RHOU: variants seen among roughly 807,000 people sequenced by gnomAD.
RHOU encodes the protein ras homolog family member U.
Under a neutral mutation model 12.6 loss-of-function variants are expected in RHOU, and 8 were observed. The observed-to-expected ratio is 0.64, with a 90% confidence interval of 0.37 to 1.15. RHOU has a LOEUF of 1.15. Among genes scored for constraint, RHOU ranks in the 50% most tolerant of loss-of-function variants. The pLI is 0.01. For missense variants in RHOU, 258 were observed against 347.0 expected (o/e 0.74, Z 2.04); for synonymous variants, 161 against 147.4 (o/e 1.09, Z -0.67).
chr1:228,651,922 G>GT, the RHOU span, among the ~76,000 whole-genome samples: 3 of 152,188 alleles, frequency 2.0e-5, no homozygotes, highest in Non-Finnish European at 4.4e-5. Flanking sequence ...ACCCTGAAAT[G>GT]TTTTTTACAT....
chr1:228,646,678 A>G, the RHOU span, among the ~76,000 whole-genome samples: 206 of 148,894 alleles, frequency 1.4e-3, no homozygotes, highest in African/African-American at 5.0e-3. Flanking sequence ...ATCTCGGGTG[A>G]GAGGGCCTGA....
At chr1:228,692,971 G>A in the RHOU span, among the ~76,000 whole-genome samples, 4,224 of 151,930 alleles carry the variant, frequency 0.028, 193 homozygotes, top group African/African-American at 0.096. Flanking sequence ...TGCTTTGCAG[G>A]GACACCCACC....
upstream of RHOU, among the ~76,000 whole-genome samples, chr1:228,732,819 C>T (rs1206894942): frequency 6.6e-6 from 1 of 151,306 alleles, no homozygotes; most frequent in Admixed American, 6.6e-5. Context: ...TGTGAGACTT[C>T]ATTAAGAAAA....
chr1:228,738,167 AG>A lies in RHOU; in HGVS notation c.321+437del, dbSNP rs1662652024. Among the ~76,000 whole-genome samples, 1 of 152,256 alleles carries A rather than the reference AG, an allele frequency of 6.6e-6. No individual in the cohort carries two copies. The highest frequency in any genetic ancestry group is 2.4e-5 in the African/African-American group (1 of 41,464). On this transcript the variant is annotated intron_variant, in intron 2 of 2. Coordinates refer to ENST00000366691, the MANE Select transcript of RHOU (RefSeq NM_021205.6). This position sits in a 1 kb window ranked among gnomAD's most constrained non-coding sequence, Gnocchi z 4.2. ...TCAAGAAAAAGATGGAATTTACATC[AG>A]TAAGGGTTAATATTTCCCTTCCTGA... is the stretch of plus-strand genomic sequence containing the variant.
chr1:228,689,437 G>A, the RHOU span, among the ~76,000 whole-genome samples: 1 of 152,122 alleles, frequency 6.6e-6, no homozygotes, highest in Non-Finnish European at 1.5e-5. Context: ...GAATCTGCCT[G>A]TTGATCCCTA....
rs940869290 is a variant in RHOU at position 228,746,121 on chromosome 1, T to C, written c.*2381T>C. On this transcript the variant is annotated 3_prime_UTR_variant, in exon 3 of 3. Coordinates refer to ENST00000366691, the MANE Select transcript of RHOU (RefSeq NM_021205.6). ...GGTTGACCTTTAAATGCAACAGTTT[T>C]TAAAATATATTGCTGCATTTTATAG... 6 of 152,236 alleles carry C rather than the reference T, an allele frequency of 3.9e-5. No individual in the cohort carries two copies. The highest frequency in any genetic ancestry group is 7.2e-5 in the African/African-American group (3 of 41,464). 9.4% of individuals were successfully genotyped at this position (152,236 alleles called of 1,614,324 possible).
the RHOU span, among the ~76,000 whole-genome samples, chr1:228,675,812 A>C: frequency 6.6e-6 from 1 of 152,238 alleles, no homozygotes; most frequent in Non-Finnish European, 1.5e-5. Flanking sequence ...CCTAAAAAGA[A>C]GAAGCAGAGG....
chr1:228,737,613 T>A lies in RHOU; in HGVS notation c.263-60T>A. The A allele has an allele frequency of 6.9e-7, 1 of 1,456,348 alleles. No individual in the cohort carries two copies. Among genetic ancestry groups the A allele is most frequent in the East Asian group, 2.3e-5 (1 of 44,154 alleles). The allele number at this position is 1,456,348 out of a possible 1,614,324, so 90.2% of individuals were successfully genotyped here. ...GAATGATAGTGAAAGCTAAAACTATTAGTATTCCGAAAGGGGTTAAAAGAC... is the reference window on the plus strand; with the variant it reads ...GAATGATAGTGAAAGCTAAAACTATAAGTATTCCGAAAGGGGTTAAAAGAC... On this transcript the variant is annotated intron_variant, in intron 1 of 2. Transcript: ENST00000366691. The surrounding 1 kb of genome is among the most constrained non-coding windows in gnomAD (Gnocchi z 4.1).
upstream of RHOU, among the ~76,000 whole-genome samples, chr1:228,732,888 A>G (rs1182960279): frequency 6.6e-6 from 1 of 152,240 alleles, no homozygotes; most frequent in Non-Finnish European, 1.5e-5. Context: ...AAAGTGAGAA[A>G]TGCATCACAA....
At chr1:228,716,694 ATTATT>A in the RHOU span, among the ~76,000 whole-genome samples, 1 of 151,306 alleles carries the variant, frequency 6.6e-6, no homozygotes, top group Non-Finnish European at 1.5e-5. Context: ...GTCTGTATTT[ATTATT>A]TTATTTTATG....
At chr1:228,734,417 T>A (rs1395278360), upstream of RHOU, among the ~76,000 whole-genome samples, 1 of 152,210 alleles carries the variant, frequency 6.6e-6, no homozygotes, top group Non-Finnish European at 1.5e-5. Flanking sequence ...GCTCTGGGGC[T>A]AGACTATTTG....
the RHOU span, among the ~76,000 whole-genome samples, chr1:228,661,984 A>T: frequency 1.8e-4 from 28 of 152,200 alleles, no homozygotes; most frequent in Admixed American, 1.8e-3. Flanking sequence ...AATTTACAAG[A>T]AAAAAACAAA....
At chr1:228,705,308 C>T in the RHOU span, among the ~76,000 whole-genome samples, 3 of 152,094 alleles carry the variant, frequency 2.0e-5, no homozygotes, top group South Asian at 6.2e-4. Context: ...TTTTAAATTA[C>T]CTTTAGTAAG....
the RHOU span, among the ~76,000 whole-genome samples, chr1:228,654,728 T>C: frequency 1.3e-5 from 2 of 152,230 alleles, no homozygotes; most frequent in African/African-American, 4.8e-5. Flanking sequence ...GTGCACCTAG[T>C]GGGTAACTTT....
chr1:228,706,585 T>G, the RHOU span, among the ~76,000 whole-genome samples: 3 of 152,248 alleles, frequency 2.0e-5, no homozygotes, highest in African/African-American at 7.2e-5. Flanking sequence ...GTTCATTATG[T>G]ATGGAGAAAC....
chr1:228,686,561 A>G, the RHOU span, among the ~76,000 whole-genome samples: 3,074 of 152,308 alleles, frequency 0.02, 104 homozygotes, highest in African/African-American at 0.07. Flanking sequence ...GAGACAACTG[A>G]TATTTAGTGC....
chr1:228,658,286 CAA>C, the RHOU span, among the ~76,000 whole-genome samples: 1,464 of 93,924 alleles, frequency 0.016, 14 homozygotes, highest in Middle Eastern at 0.038. Flanking sequence ...GACCCTGTCT[CAA>C]AAAAAAAAAA....
chr1:228,695,610 A>G, the RHOU span, among the ~76,000 whole-genome samples: 1 of 152,082 alleles, frequency 6.6e-6, no homozygotes. Flanking sequence ...GGCTCACAGA[A>G]CTCAGTTTAC....
chr1:228,694,147 A>T, the RHOU span, among the ~76,000 whole-genome samples: 1 of 152,168 alleles, frequency 6.6e-6, no homozygotes, highest in Non-Finnish European at 1.5e-5. Flanking sequence ...GAGCAATATT[A>T]TTTCTTTGTA....
Sources: gnomAD v4.1 joint callset for allele counts (sites outside exome capture counted in the v4.1 genomes callset) on GRCh38, gnomAD v4.1.1 for gene constraint, Gnocchi (gnomAD v3.1) non-coding constraint, MANE v1.5 for transcripts, NCBI Gene and HGNC (gene_info 2026-07-23, HGNC 2026-07-21) for gene names.